The following PTPRJ variants were observed in gnomAD, a reference collection of about 807,000 sequenced individuals.
PTPRJ encodes receptor-type tyrosine-protein phosphatase eta.
PTPRJ carries 129 observed loss-of-function variants against 141.3 expected under a neutral mutation model. The observed-to-expected ratio is 0.91, with a 90% confidence interval of 0.79 to 1.06. The LOEUF is 1.06. Ranked by LOEUF, PTPRJ falls within the 50% of genes least tolerant of loss-of-function variation. The pLI is 0.00. For missense variants in PTPRJ, 1,601 were observed against 1,679.7 expected, an observed-to-expected ratio of 0.95 and a Z score of 0.82; for synonymous variants, 610 against 640.5, an observed-to-expected ratio of 0.95 and a Z score of 0.72.
At chr11:48,163,055 CA>C (rs1254789423) in intron 22 of PTPRJ, among the ~76,000 whole-genome samples, 3 of 152,050 alleles carry the variant, frequency 2.0e-5, no homozygotes, top group African/African-American at 4.8e-5. Context: ...GTGACATTCC[CA>C]GGGGGGCTCG....
chr11:47,995,843 G>C (rs1406630876), intron 1 of PTPRJ, among the ~76,000 whole-genome samples: 4 of 150,772 alleles, frequency 2.7e-5, no homozygotes, highest in African/African-American at 4.9e-5. Flanking sequence ...TTCAGGACCA[G>C]CCTGACCAAC....
intron 1 of PTPRJ, among the ~76,000 whole-genome samples, chr11:48,016,833 C>T (rs1726815452): frequency 6.6e-6 from 1 of 152,082 alleles, no homozygotes. Context: ...CTATAATAGT[C>T]ACCATGGTAA....
chr11:48,138,736 C>T (rs1366860781), intron 10 of PTPRJ, among the ~76,000 whole-genome samples: 1 of 152,176 alleles, frequency 6.6e-6, no homozygotes, highest in African/African-American at 2.4e-5. Flanking sequence ...GTTTTGGCTT[C>T]ACCACCTGCC....
At chr11:48,065,227 T>C (rs1855053712) in intron 1 of PTPRJ, among the ~76,000 whole-genome samples, 1 of 152,038 alleles carries the variant, frequency 6.6e-6, no homozygotes, top group Non-Finnish European at 1.5e-5. Flanking sequence ...TTGGTCAGGC[T>C]GGTCTCGAAC....
At chr11:48,065,972 C>T (rs565970246) in intron 1 of PTPRJ, among the ~76,000 whole-genome samples, 1 of 152,208 alleles carries the variant, frequency 6.6e-6, no homozygotes, top group East Asian at 1.9e-4. Context: ...ACATGAAAAC[C>T]CTTCTCTTAA....
intron 1 of PTPRJ, among the ~76,000 whole-genome samples, chr11:48,094,017 CCTT>C (rs1855939546): frequency 6.6e-6 from 1 of 152,194 alleles, no homozygotes; most frequent in Admixed American, 6.5e-5. Flanking sequence ...CCCTCCCAGC[CCTT>C]CTTTTTCCCT....
intron 1 of PTPRJ, among the ~76,000 whole-genome samples, chr11:48,019,407 G>C (rs1855049396): frequency 6.6e-6 from 1 of 151,074 alleles, no homozygotes; most frequent in Non-Finnish European, 1.5e-5. Flanking sequence ...CCTGAGAGGA[G>C]TTAATTGTGT....
chr11:48,079,622 TAGGAGGGCAGAGGAAG>T lies in PTPRJ; in HGVS notation c.97-30429_97-30414del, dbSNP rs1390229125. 4.0e-5 allele frequency among the ~76,000 whole-genome samples: 6 copies of T among 151,878 alleles called. No homozygotes were observed. In the East Asian group the frequency reaches 1.2e-3, roughly 29 times the overall value. On this transcript the variant is annotated intron_variant, in intron 1 of 24. Transcript: ENST00000418331. Reference sequence around the variant, plus strand: ...GGGCAACTGTGTTGTGCAGAGAAGGTAGGAGGGCAGAGGAAGAGGAGGAGCGGCCCCTGGGAGAATG... The same window carrying T: ...GGGCAACTGTGTTGTGCAGAGAAGGTAGGAGGAGCGGCCCCTGGGAGAATG...
At chr11:48,099,632 G>A (rs1856104104) in intron 1 of PTPRJ, among the ~76,000 whole-genome samples, 1 of 152,080 alleles carries the variant, frequency 6.6e-6, no homozygotes, top group African/African-American at 2.4e-5. Context: ...GCTCTCCAGT[G>A]ATCTCCTATC....
At chr11:48,112,074 G>C (rs959362737) in intron 2 of PTPRJ, among the ~76,000 whole-genome samples, 1 of 152,156 alleles carries the variant, frequency 6.6e-6, no homozygotes. Flanking sequence ...CTGCCACAGT[G>C]TTGGTTCTAG....
intron 1 of PTPRJ, among the ~76,000 whole-genome samples, chr11:48,080,449 A>T (rs549025033): frequency 6.3e-4 from 96 of 152,322 alleles, no homozygotes; most frequent in African/African-American, 2.1e-3. Flanking sequence ...AAATTGGATC[A>T]GAGTCCATCT....
chr11:47,984,233 G>A lies in PTPRJ; in HGVS notation c.96+3225G>A, dbSNP rs76847270. Among the ~76,000 whole-genome samples the A allele has an allele frequency of 4.9e-3, 752 of 152,252 alleles. 6 individuals carry two copies. The highest frequency in any genetic ancestry group is 0.01 in the Middle Eastern group (3 of 294). ...GCTTCCAAATGAGCAATTTTGGTCA[G>A]CAAAGGGGTTATTTAGCTCCTAAAA... On this transcript the variant is annotated intron_variant, in intron 1 of 24. Transcript: ENST00000418331.
intron 1 of PTPRJ, among the ~76,000 whole-genome samples, chr11:48,094,469 T>G (rs1197349941): frequency 1.3e-5 from 2 of 152,158 alleles, no homozygotes; most frequent in Non-Finnish European, 2.9e-5. Flanking sequence ...TTGTCTGATG[T>G]CAAGCCTGTG....
intron 24 of PTPRJ, among the ~76,000 whole-genome samples, chr11:48,166,493 TA>T (rs1242234739): frequency 6.6e-6 from 1 of 151,988 alleles, no homozygotes; most frequent in African/African-American, 2.4e-5. Flanking sequence ...TTTGTATTTT[TA>T]GTAGAGACGG....
intron 1 of PTPRJ, among the ~76,000 whole-genome samples, chr11:48,023,264 C>T (rs1853706178): frequency 6.6e-6 from 1 of 152,142 alleles, no homozygotes; most frequent in Admixed American, 6.5e-5. Context: ...AGGGTGCCTG[C>T]CAGTGGTTCA....
intron 1 of PTPRJ, among the ~76,000 whole-genome samples, chr11:48,002,638 T>C (rs752644953): frequency 8.5e-5 from 13 of 152,214 alleles, no homozygotes; most frequent in Non-Finnish European, 1.0e-4. Flanking sequence ...TTTCCATAAC[T>C]GGTTACCTGG....
At chr11:48,064,810 AG>A (rs1367423925) in intron 1 of PTPRJ, among the ~76,000 whole-genome samples, 1 of 151,602 alleles carries the variant, frequency 6.6e-6, no homozygotes, top group African/African-American at 2.4e-5. Context: ...TAGTAGAGAC[AG>A]GGTTTTGCCA....
intron 1 of PTPRJ, among the ~76,000 whole-genome samples, chr11:48,103,711 T>C (rs944650575): frequency 6.6e-6 from 1 of 152,186 alleles, no homozygotes; most frequent in Non-Finnish European, 1.5e-5. Flanking sequence ...TCTATACCCG[T>C]ATGTATGGAG....
intron 1 of PTPRJ, among the ~76,000 whole-genome samples, chr11:48,081,930 A>G (rs1855570132): frequency 1.3e-5 from 2 of 152,210 alleles, no homozygotes; most frequent in Admixed American, 1.3e-4. Context: ...AGATGTGGTG[A>G]ATAGTCTCTT....
Sources: gnomAD v4.1 joint callset for allele counts (sites outside exome capture counted in the v4.1 genomes callset) on GRCh38, gnomAD v4.1.1 for gene constraint, MANE v1.5 for transcripts, NCBI Gene and HGNC (gene_info 2026-07-23, HGNC 2026-07-21) for gene names.